Variants in IQCN observed in about 807,000 individuals in gnomAD.
The protein encoded by IQCN is IQ motif containing N, also known as IQ domain-containing protein N.
Under a neutral mutation model 64.4 loss-of-function variants are expected in IQCN, and 46 were observed. The observed-to-expected ratio is 0.71, with a 90% CI of 0.56 to 0.91. IQCN has a LOEUF of 0.91. Ranked by LOEUF, IQCN falls within the 40% of genes least tolerant of loss-of-function variation. IQCN has a pLI of 0.00. For synonymous variants in IQCN, 733 were observed against 775.6 expected, an observed-to-expected ratio of 0.95 and a Z score of 0.91; for missense variants, 1,753 against 1,857.4, an observed-to-expected ratio of 0.94 and a Z score of 1.03.
In IQCN at chr19:18,265,317, C is replaced by T. The variant is rs772978258; in HGVS notation, c.2223G>A (p.Lys741=). 2 of 1,614,170 alleles carry T rather than the reference C, an allele frequency of 1.2e-6. No individual in the cohort carries two copies. The highest frequency in any genetic ancestry group is 1.7e-6 in the Non-Finnish European group (2 of 1,180,022). Residue 741 remains lysine, a synonymous_variant, in exon 3 of 4, where the codon AAG becomes AAA. Transcript: ENST00000392413. This position sits in a 1 kb window ranked among gnomAD's most constrained non-coding sequence, Gnocchi z 4.7. ...TGATCGGCTGCCCCCGGGACTGCGT[C>T]TTGGTCAGACAGGTGGCTAGAGGCG... is the stretch of plus-strand genomic sequence containing the variant. The part of the protein sequence containing the change: ...SQAPLATCLT[K]TQSRGQPITD...
In IQCN at chr19:18,266,894, C is replaced by A. The variant is rs1208944578; in HGVS notation, c.646G>T (p.Ala216Ser). 1 of 1,607,590 alleles carries A rather than the reference C, an allele frequency of 6.2e-7. No homozygotes were observed. The highest frequency in any genetic ancestry group is 1.7e-5 in the Admixed American group (1 of 59,696). Reference protein sequence around the residue: ...QSSPLLQPPAAQGTPEPCVQG... With the variant: ...QSSPLLQPPASQGTPEPCVQG... ...ACACAGGGCTCTGGGGTACCCTGAG[C>A]TGCTGGGGGCTGCAGGAGGGGGGAC... Residue 216 changes from alanine to serine, a missense_variant, in exon 3 of 4, where the codon GCT (alanine) becomes TCT (serine). Physicochemically the swap from Ala to Ser is moderately conservative, Grantham distance 99 (BLOSUM62 1). Transcript: ENST00000392413. The surrounding 1 kb of genome is among the most constrained non-coding windows in gnomAD (Gnocchi z 4.3).
chr19:18,272,279 C>T (rs1969749752), intron 1 of IQCN, among the ~76,000 whole-genome samples: 2 of 151,956 alleles, frequency 1.3e-5, no homozygotes, highest in South Asian at 2.1e-4. Context: ...AGGCACCTGC[C>T]ACCACGCCTA....
Position 18,271,468 on chromosome 19 carries a change from C to CAA in IQCN, c.-109-1883_-109-1882dup, listed in dbSNP as rs536457866. Among the ~76,000 whole-genome samples, 822 of 98,012 alleles carry CAA rather than the reference C, an allele frequency of 8.4e-3. 13 individuals carry two copies. Among genetic ancestry groups the CAA allele is most frequent in the African/African-American group, 0.025 (625 of 24,514 alleles). The allele number at this position is 98,012 out of a possible 152,430, so 64.3% of individuals were successfully genotyped here. ...CTGGGTGACTGAGCGAAACTCAGTT[C>CAA]AAAAAAAAAAAAAAAAGATAAAAGG... On this transcript the variant is annotated intron_variant, in intron 1 of 3. Coordinates refer to ENST00000392413, the MANE Select transcript of IQCN (RefSeq NM_001145304.2).
Position 18,264,768 on chromosome 19 carries a change from G to A in IQCN, c.2772C>T (p.Val924=), listed in dbSNP as rs1042826863. 15 of 1,551,120 alleles carry A rather than the reference G, an allele frequency of 9.7e-6. No individual in the cohort carries two copies. Among genetic ancestry groups the A allele is most frequent in the Middle Eastern group, 1.7e-4 (1 of 6,014 alleles). Residue 924 remains valine, a synonymous_variant, in exon 3 of 4, where the codon GTC becomes GTT. Transcript: ENST00000392413. The surrounding 1 kb of genome is among the most constrained non-coding windows in gnomAD (Gnocchi z 4.3). ...GCATGCTCTGGGGCAGGGCTTTGGT[G>A]ACAGTGGCACCCAGGACCTCCTTGG... is the stretch of plus-strand genomic sequence containing the variant. The part of the protein sequence containing the change: ...ALSKEVLGAT[V]TKALPQSMLS...
rs1393979159 is a variant in IQCN at position 18,266,520 on chromosome 19, G to C, written c.1020C>G (p.Leu340=). 6.2e-7 allele frequency: 1 copy of C among 1,610,598 alleles called. No individual in the cohort carries two copies. The part of the protein sequence containing the change: ...CPGPMITKTL[L]QTYPVVSVTL... ...TCACGGAGACCACTGGATATGTCTG[G>C]AGTAGAGTCTTGGTGATCATGGGCC... is the stretch of plus-strand genomic sequence containing the variant. The change falls in exon 3 of 4, where the codon CTC becomes CTG. Residue 340 remains leucine, a synonymous_variant. Coordinates refer to ENST00000392413, the MANE Select transcript of IQCN (RefSeq NM_001145304.2). This position sits in a 1 kb window ranked among gnomAD's most constrained non-coding sequence, Gnocchi z 4.3.
At chr19:18,269,410 G>GC (rs1195522994) in intron 2 of IQCN, 56 bp downstream of exon 2, 16 of 1,575,468 alleles carry the variant, frequency 1.0e-5, no homozygotes, top group Non-Finnish European at 1.3e-5. Context: ...TTTGGCAGAA[G>GC]CCCCTCTCTT....
chr19:18,267,532 G>A lies in IQCN; in HGVS notation c.14-6C>T. 3 of 1,513,512 alleles carry A rather than the reference G, an allele frequency of 2.0e-6. No individual in the cohort carries two copies. The highest frequency in any genetic ancestry group is 2.6e-6 in the Non-Finnish European group (3 of 1,133,688). 93.8% of individuals were successfully genotyped at this position (1,513,512 alleles called of 1,614,324 possible). A position where few individuals can be genotyped will look rare whatever the true frequency, so the allele number is the denominator to read the frequency against. ...ACCGGACAGGTCAGCTCTGCCTGTG[G>A]GGGCGGCAGGGGGTGGTCAGGGTGT... On this transcript the variant is annotated splice_polypyrimidine_tract_variant and splice_region_variant and intron_variant, in intron 2 of 3. Coordinates refer to ENST00000392413, the MANE Select transcript of IQCN (RefSeq NM_001145304.2).
chr19:18,258,980 G>C (rs1196035865), intron 3 of IQCN: 1 of 159,284 alleles, frequency 6.3e-6, no homozygotes, highest in Non-Finnish European at 1.4e-5. Flanking sequence ...GGTTGCACCA[G>C]TGACCCTGGC....
intron 3 of IQCN, chr19:18,259,292 T>C (rs1969379089): frequency 6.6e-6 from 1 of 152,066 alleles, no homozygotes; most frequent in Non-Finnish European, 1.5e-5. Flanking sequence ...TCAATCACCA[T>C]GGGCCCCTTG....
chr19:18,258,062 G>A lies in IQCN; in HGVS notation c.3222C>T (p.Arg1074=), dbSNP rs760566306. The change falls in exon 4 of 4, where the codon CGC becomes CGT. Residue 1074 remains arginine (R), a synonymous_variant. Coordinates refer to ENST00000392413, the MANE Select transcript of IQCN (RefSeq NM_001145304.2). The part of the protein sequence containing the change: ...AGVVGGQSWN[R]AWEPARGAAS... Reference sequence around the variant, plus strand: ...CAGCACCCCTGGCTGGCTCCCATGCGCGGTTCCACGATTGGCCACCAACCA... The same window carrying A: ...CAGCACCCCTGGCTGGCTCCCATGCACGGTTCCACGATTGGCCACCAACCA... 61 of 1,612,240 alleles carry A rather than the reference G, an allele frequency of 3.8e-5. No homozygotes were observed. Among genetic ancestry groups the A allele is most frequent in the Non-Finnish European group, 4.8e-5 (57 of 1,180,012 alleles).
chr19:18,268,139 C>T (rs1158572465), intron 2 of IQCN, among the ~76,000 whole-genome samples: 1 of 150,326 alleles, frequency 6.7e-6, no homozygotes, highest in Non-Finnish European at 1.5e-5. Context: ...GGGTTTAGCA[C>T]TGATCACAAT....
rs1433922878 is a variant in IQCN at position 18,264,914 on chromosome 19, G to C, written c.2626C>G (p.Leu876Val). 1.2e-6 allele frequency: 2 copies of C among 1,613,264 alleles called. No homozygotes were observed. Among genetic ancestry groups the C allele is most frequent in the East Asian group, 2.2e-5 (1 of 44,894 alleles). Residue 876 changes from leucine (L) to valine (V), a missense_variant, in exon 3 of 4, where the codon CTG becomes GTG. Transcript: ENST00000392413. The surrounding 1 kb of genome is among the most constrained non-coding windows in gnomAD (Gnocchi z 4.3). Reference sequence around the variant, plus strand: ...ACTTCAGCACACAAGGAGGCCAGCAGGGAGCCTACCGTGTCCTCCTGGCAG... The same window carrying C: ...ACTTCAGCACACAAGGAGGCCAGCACGGAGCCTACCGTGTCCTCCTGGCAG... ...VPCQEDTVGS[L>V]LASLCAEVAG...
At chr19:18,258,436 G>T (rs1455266073) in intron 3 of IQCN, 6 of 577,080 alleles carry the variant, frequency 1.0e-5, no homozygotes, top group Middle Eastern at 2.6e-4. Flanking sequence ...CTTTCTAGCA[G>T]TTCTGGAACA....
chr19:18,261,523 AGGCTGGGCTTGGG>A (rs1208473661), intron 3 of IQCN: 67 of 84,138 alleles, frequency 8.0e-4, no homozygotes, highest in African/African-American at 2.6e-3. Flanking sequence ...TGAGATGGGT[AGGCTGGGCTTGGG>A]GACATCTCAG....
At chr19:18,270,461 A>T (rs1969711264) in intron 1 of IQCN, among the ~76,000 whole-genome samples, 1 of 151,894 alleles carries the variant, frequency 6.6e-6, no homozygotes, top group Admixed American at 6.6e-5. Flanking sequence ...GGAGTTCCAG[A>T]CCAGCCTGGG....
intron 2 of IQCN, 117 bp downstream of exon 2, chr19:18,269,349 T>A: frequency 1.0e-6 from 1 of 983,734 alleles, no homozygotes. Context: ...CAGAGAGAGC[T>A]GGGACACTGT....
At chr19:18,260,581 G>C (rs1365362641) in intron 3 of IQCN, 1 of 152,946 alleles carries the variant, frequency 6.5e-6, no homozygotes, top group Non-Finnish European at 1.5e-5. Flanking sequence ...AATAGGCTGG[G>C]GGCTATAGCT....
intron 3 of IQCN, among the ~76,000 whole-genome samples, chr19:18,263,399 G>A (rs61733991): frequency 2.5e-4 from 38 of 152,230 alleles, no homozygotes; most frequent in African/African-American, 7.5e-4. Flanking sequence ...TGGATGGCTG[G>A]TGGTCTGTTG....
rs745804629 is a variant in IQCN at position 18,267,063 on chromosome 19, C to T, written c.477G>A (p.Glu159=). Residue 159 remains glutamate, a synonymous_variant, in exon 3 of 4, where the codon GAG becomes GAA. Coordinates refer to ENST00000392413, the MANE Select transcript of IQCN (RefSeq NM_001145304.2). The part of the protein sequence containing the change: ...SKSLVKKTRA[E]EGDIPYHAPQ... The stretch of plus-strand genomic sequence containing the variant: ...GGGCGTGATAAGGTATGTCCCCCTC[C>T]TCCGCCCTCGTTTTCTTTACCAACG... The T allele has an allele frequency of 1.7e-5, 28 of 1,614,264 alleles. No individual in the cohort carries two copies. Among genetic ancestry groups the T allele is most frequent in the Middle Eastern group, 3.3e-4 (2 of 6,062 alleles).
Sources: allele counts gnomAD v4.1 joint callset (sites outside exome capture counted in the v4.1 genomes callset), GRCh38; gene constraint gnomAD v4.1.1; non-coding constraint Gnocchi (gnomAD v3.1); transcripts MANE v1.5; gene names NCBI Gene and HGNC (gene_info 2026-07-23, HGNC 2026-07-21).